Variants in PLXNA3 observed in about 807,000 individuals in gnomAD.
The protein encoded by PLXNA3 is plexin A3, also known as plexin-A3.
A neutral mutation model predicts 118.8 loss-of-function variants in PLXNA3; 52 were observed. The ratio of observed to expected loss-of-function variants is 0.44; its 90% CI spans 0.35 to 0.55. The LOEUF is 0.55. PLXNA3 is among the 20% of genes least tolerant of loss of function. PLXNA3 has a pLI of 0.01. For missense variants in PLXNA3, 1,660 were observed against 1,730.8 expected (o/e 0.96, Z 0.73); for synonymous variants, 925 against 762.4 (o/e 1.21, Z -3.51).
chrX:154,473,017 C>T lies in PLXNA3; in HGVS notation c.*332C>T, dbSNP rs933893654. 1.6e-5 allele frequency: 3 copies of T among 183,219 alleles called. No homozygotes were observed. Among genetic ancestry groups the T allele is most frequent in the African/African-American group, 5.9e-5 (2 of 34,154 alleles). The allele number at this position is 183,219 out of a possible 1,213,427, so 15.1% of individuals were successfully genotyped here. ...TTATTGAATCGAACTTCGCCTCTGTCTCCATCTGTAAATATGTGTCCCCCC... is the reference window on the plus strand; with the variant it reads ...TTATTGAATCGAACTTCGCCTCTGTTTCCATCTGTAAATATGTGTCCCCCC... On this transcript the variant is annotated 3_prime_UTR_variant, in exon 33 of 33. Transcript: ENST00000369682.
rs1343562906 is a variant in PLXNA3, at chrX:154,473,936, C to T, written c.*1251C>T. On this transcript the variant is annotated 3_prime_UTR_variant, in exon 33 of 33. Coordinates refer to ENST00000369682, the MANE Select transcript of PLXNA3 (RefSeq NM_017514.5). ...GCCCTGGCTCTCTTCAGCCTGTTCT[C>T]AGCGTGGGAGGCAGAGAGATCCTGT... 2.7e-5 allele frequency: 3 copies of T among 111,888 alleles called. No individual in the cohort carries two copies. Among genetic ancestry groups the T allele is most frequent in the Non-Finnish European group, 5.6e-5 (3 of 53,111 alleles). 9.2% of individuals were successfully genotyped at this position (111,888 alleles called of 1,213,427 possible).
intron 3 of PLXNA3, 87 bp from the exon 4 acceptor site, chrX:154,462,041 C>T: frequency 9.9e-6 from 8 of 809,305 alleles, no homozygotes; most frequent in Middle Eastern, 3.7e-4. Context: ...TTCTAGATCC[C>T]GCTCTCTTCT....
intron 26 of PLXNA3, 27 bp downstream of exon 26, chrX:154,469,242 C>T (rs2069144531): frequency 1.7e-6 from 2 of 1,198,755 alleles, no homozygotes; most frequent in Non-Finnish European, 1.1e-6. Flanking sequence ...CTCCTCCTGG[C>T]TCCCACTCAT....
rs782762574 is a variant in PLXNA3, at chrX:154,468,628, C to T, written c.4221-35C>T. ...GGCCTGCCCCCTGTCCAAGCCCCACCCCTGCCAGGCCCGAGCCCCCTTCTC... is the reference window on the plus strand; with the variant it reads ...GGCCTGCCCCCTGTCCAAGCCCCACTCCTGCCAGGCCCGAGCCCCCTTCTC... On this transcript the variant is annotated intron_variant, in intron 23 of 32. Transcript: ENST00000369682. The T allele has an allele frequency of 2.2e-5, 26 of 1,207,836 alleles. No individual in the cohort carries two copies. The Admixed American group carries it at 4.1e-4, about 19-fold the overall frequency.
intron 32 of PLXNA3, 68 bp downstream of exon 32, chrX:154,471,706 G>A: frequency 9.9e-7 from 1 of 1,007,866 alleles, no homozygotes; most frequent in Non-Finnish European, 1.4e-6. Context: ...AAAGGCAGGA[G>A]GGTTGGTGGG....
In PLXNA3 at chrX:154,463,945, G is replaced by C. The variant is rs782458439; in HGVS notation, c.1548-6G>C. The C allele has an allele frequency of 6.0e-6, 7 of 1,164,705 alleles. No individual in the cohort carries two copies. The South Asian group carries it at 1.1e-4, about 19-fold the overall frequency. ...GCGGGACCGGCTCTGGCCCGACCCCGTGCAGGTGCTGCCGCGAAGGGGCCT... is the reference window on the plus strand; with the variant it reads ...GCGGGACCGGCTCTGGCCCGACCCCCTGCAGGTGCTGCCGCGAAGGGGCCT... On this transcript the variant is annotated splice_region_variant and splice_polypyrimidine_tract_variant and intron_variant, in intron 6 of 32. Transcript: ENST00000369682.
chrX:154,458,787 G>A (rs2068884533), intron 1 of PLXNA3, among the ~76,000 whole-genome samples: 1 of 112,229 alleles, frequency 8.9e-6, no homozygotes, highest in Admixed American at 9.3e-5. Flanking sequence ...TCTCTGCGTG[G>A]GGCTGCCCCT....
In PLXNA3 at chrX:154,460,870, C is replaced by G; in HGVS notation, c.594+93C>G. 5 of 733,757 alleles carry G rather than the reference C, an allele frequency of 6.8e-6. No homozygotes were observed. In the South Asian group the frequency reaches 1.4e-4, roughly 21 times the overall value. 60.5% of individuals were successfully genotyped at this position (733,757 alleles called of 1,213,427 possible). On this transcript the variant is annotated intron_variant, in intron 2 of 32. Transcript: ENST00000369682. ...CTTTCTGAGAGGGGACTTTCGGCTC[C>G]TCAGTGTCTGGGATGCAGACAGGTT...
chrX:154,465,554 G>T lies in PLXNA3; in HGVS notation c.2341+34G>T, dbSNP rs782574281. ...ATGGGCCAGGGAGCTTCCCTCCTAAGGCAATTGGCACTGCTGGGGTCGGGT... is the reference window on the plus strand; with the variant it reads ...ATGGGCCAGGGAGCTTCCCTCCTAATGCAATTGGCACTGCTGGGGTCGGGT... On this transcript the variant is annotated intron_variant, in intron 12 of 32. Transcript: ENST00000369682. 3 of 1,161,996 alleles carry T rather than the reference G, an allele frequency of 2.6e-6. No individual in the cohort carries two copies. The South Asian group carries it at 5.4e-5, about 21-fold the overall frequency.
Position 154,471,507 on chromosome X carries a change from A to G in PLXNA3, c.5389A>G (p.Lys1797Glu), listed in dbSNP as rs782487415. 2 of 1,204,811 alleles carry G rather than the reference A, an allele frequency of 1.7e-6. No individual in the cohort carries two copies. Among genetic ancestry groups the G allele is most frequent in the East Asian group, 5.9e-5 (2 of 33,672 alleles). The change falls in exon 32 of 33, where the codon AAG becomes GAG. Residue 1797 changes from lysine to glutamate, a missense_variant. By Grantham distance (56) the Lys-to-Glu change is moderately conservative (BLOSUM62 1). This residue lies in a region of PLXNA3 where 869 missense variants were observed against 1,078.7 expected (regional missense o/e 0.81). Transcript: ENST00000369682. ...WVERYYRDIA[K>E]MASISDQDMD... ...CAACAGGTATTATCGAGACATTGCA[A>G]AGATGGCATCCATCAGCGACCAGGA...
At chrX:154,465,264 TG>T in intron 11 of PLXNA3, 46 bp downstream of exon 11, 3 of 1,121,094 alleles carry the variant, frequency 2.7e-6, no homozygotes. Flanking sequence ...GGCTGTGGCG[TG>T]GTGTGGATCG....
At chrX:154,464,669 C>T (rs2148249816) in intron 9 of PLXNA3, 85 bp from the exon 10 acceptor site, 5 of 746,324 alleles carry the variant, frequency 6.7e-6, no homozygotes, top group East Asian at 3.5e-5. Flanking sequence ...CTGCCTTCTT[C>T]CTTCAGTTCC....
chrX:154,470,968 G>A (rs1557209258), intron 30 of PLXNA3, 137 bp from the exon 31 acceptor site: 2 of 496,362 alleles, frequency 4.0e-6, no homozygotes, highest in Admixed American at 7.0e-5. Context: ...AGGAAAGGCC[G>A]TTCACCCTAA....
chrX:154,477,697 A>C lies in PLXNA3; in HGVS notation c.*5012A>C. 4.3e-6 allele frequency: 1 copy of C among 230,125 alleles called. No homozygotes were observed. Among genetic ancestry groups the C allele is most frequent in the Non-Finnish European group, 7.7e-6 (1 of 130,658 alleles). 19.0% of individuals were successfully genotyped at this position (230,125 alleles called of 1,213,427 possible). A position where few individuals can be genotyped will look rare whatever the true frequency, so the allele number is the denominator to read the frequency against. On this transcript the variant is annotated 3_prime_UTR_variant, in exon 33 of 33. Coordinates refer to ENST00000369682, the MANE Select transcript of PLXNA3 (RefSeq NM_017514.5). ...TGTACTCCTTGAATATCTGAATTCT[A>C]GAACCCCCCCCCCAGCAACCCAAGC...
Position 154,464,750 on chromosome X carries a change from C to T in PLXNA3, c.1929-4C>T, listed in dbSNP as rs781917056. 1.1e-5 allele frequency: 13 copies of T among 1,141,889 alleles called. No individual in the cohort carries two copies. The highest frequency in any genetic ancestry group is 2.5e-5 in the Admixed American group (1 of 40,011). The allele number at this position is 1,141,889 out of a possible 1,213,427, so 94.1% of individuals were successfully genotyped here. ...TGTTATTTCTGAAGCCACTTCCCCC[C>T]CAGGTGCATGTCCTGTGTTGGCAGC... On this transcript the variant is annotated splice_polypyrimidine_tract_variant and splice_region_variant and intron_variant, in intron 9 of 32. Coordinates refer to ENST00000369682, the MANE Select transcript of PLXNA3 (RefSeq NM_017514.5).
In PLXNA3 at chrX:154,460,454, G is replaced by GC; in HGVS notation, c.276dup (p.Val93ArgfsTer41). 8.3e-7 allele frequency: 1 copy of GC among 1,204,000 alleles called. No individual in the cohort carries two copies. Among genetic ancestry groups the GC allele is most frequent in the Non-Finnish European group, 1.1e-6 (1 of 890,658 alleles). On this transcript the variant is annotated frameshift_variant, in exon 2 of 33. Transcript: ENST00000369682. LOFTEE classifies it high-confidence loss of function. ...CATGCGCGTGTGTGCCCACCGCCTG[G>GC]CCCCCGTGGACAACATCAACAAGCT...
At position 154,460,144 on chromosome X, in the gene PLXNA3, C is replaced by T. The variant is rs781795046; in HGVS notation, c.-27-13C>T. The T allele has an allele frequency of 9.9e-5, 96 of 970,343 alleles. 1 individual carries two copies. Among genetic ancestry groups the T allele is most frequent in the South Asian group, 2.9e-4 (14 of 48,621 alleles). The allele number at this position is 970,343 out of a possible 1,213,427, so 80.0% of individuals were successfully genotyped here. On this transcript the variant is annotated splice_polypyrimidine_tract_variant and intron_variant, in intron 1 of 32. Coordinates refer to ENST00000369682, the MANE Select transcript of PLXNA3 (RefSeq NM_017514.5). ...CTCGAGGCCTCTGACTCCCACACAC[C>T]GTCTCTCCCTAGGCCTGTCCCCAGG...
Position 154,468,199 on chromosome X carries a change from C to T in PLXNA3, c.3938C>T (p.Ala1313Val). ...AVRVLFPGIE[A>V]HPVLKELDTP... ...CGCGTGCTCTTCCCGGGCATCGAGGCCCACCCGGTGCTCAAGGAGCTGGAT... is the reference window on the plus strand; with the variant it reads ...CGCGTGCTCTTCCCGGGCATCGAGGTCCACCCGGTGCTCAAGGAGCTGGAT... The change falls in exon 22 of 33, where the codon GCC (alanine) becomes GTC (valine). Residue 1313 changes from alanine to valine, a missense_variant. This residue lies in a region of PLXNA3 where 869 missense variants were observed against 1,078.7 expected (regional missense o/e 0.81). Coordinates refer to ENST00000369682, the MANE Select transcript of PLXNA3 (RefSeq NM_017514.5). 1 of 1,181,717 alleles carries T rather than the reference C, an allele frequency of 8.5e-7. No individual in the cohort carries two copies. The highest frequency in any genetic ancestry group is 1.1e-6 in the Non-Finnish European group (1 of 879,204).
At chrX:154,463,852 G>T in intron 6 of PLXNA3, 99 bp from the exon 7 acceptor site, 1 of 1,078,305 alleles carries the variant, frequency 9.3e-7, no homozygotes, top group Non-Finnish European at 1.2e-6. Context: ...GGCCCCAGGG[G>T]ACGCGGCCAA....
Sources: gnomAD v4.1 joint callset for allele counts (sites outside exome capture counted in the v4.1 genomes callset) on GRCh38, gnomAD v4.1.1 for gene constraint, gnomAD v4.1.1 regional missense constraint, MANE v1.5 for transcripts, NCBI Gene and HGNC (gene_info 2026-07-23, HGNC 2026-07-21) for gene names.